JARID2: variants seen among roughly 807,000 people sequenced by gnomAD.
The protein encoded by JARID2 is protein Jumonji.
Under a neutral mutation model 125.6 loss-of-function variants are expected in JARID2, and 21 were observed. That is an observed-to-expected ratio of 0.17 (90% CI 0.12 to 0.24). JARID2 has a LOEUF of 0.24. Ranked by LOEUF, JARID2 falls within the 10% of genes least tolerant of loss-of-function variation. JARID2 has a pLI of 1.00. For synonymous variants in JARID2, 736 were observed against 661.6 expected (o/e 1.11, Z -1.73); for missense variants, 1,303 against 1,639.6 (o/e 0.79, Z 3.55).
intron 2 of JARID2, among the ~76,000 whole-genome samples, chr6:15,396,709 T>C (rs1305262887): frequency 6.6e-6 from 1 of 152,252 alleles, no homozygotes; most frequent in Non-Finnish European, 1.5e-5. Flanking sequence ...ATGAATTGTT[T>C]ATTTTGGGGA....
intron 1 of JARID2, among the ~76,000 whole-genome samples, chr6:15,372,837 T>C (rs1334317545): frequency 2.6e-5 from 4 of 152,126 alleles, no homozygotes; most frequent in African/African-American, 9.7e-5. Context: ...GCCTCCTGAA[T>C]AGCTGGGATT....
intron 1 of JARID2, among the ~76,000 whole-genome samples, chr6:15,316,489 G>A (rs991696681): frequency 7.2e-5 from 11 of 152,164 alleles, no homozygotes; most frequent in African/African-American, 2.7e-4. Context: ...GCTGAGGACA[G>A]TAGTCCTTAT....
chr6:15,450,349 T>A (rs1322810670), intron 3 of JARID2, among the ~76,000 whole-genome samples: 1 of 152,172 alleles, frequency 6.6e-6, no homozygotes, highest in African/African-American at 2.4e-5. Context: ...TTTGTATTTT[T>A]AGTAGAGACG....
chr6:15,501,592 C>T (rs1031197751), intron 8 of JARID2, among the ~76,000 whole-genome samples, 183 bp downstream of exon 8: 5 of 152,142 alleles, frequency 3.3e-5, no homozygotes, highest in African/African-American at 1.2e-4. Flanking sequence ...ATACTACAGA[C>T]TGGGGAATTC....
At chr6:15,257,053 C>T (rs1318984387) in intron 1 of JARID2, among the ~76,000 whole-genome samples, 1 of 152,090 alleles carries the variant, frequency 6.6e-6, no homozygotes, top group Non-Finnish European at 1.5e-5. Flanking sequence ...AAGTGACCTG[C>T]TTGTGGTCGC....
intron 1 of JARID2, among the ~76,000 whole-genome samples, chr6:15,258,361 G>C (rs577005039): frequency 1.3e-5 from 2 of 152,310 alleles, no homozygotes; most frequent in African/African-American, 4.8e-5. Flanking sequence ...ATCTTGGGTA[G>C]ATCACTTCAC....
chr6:15,261,619 C>T (rs1759882700), intron 1 of JARID2, among the ~76,000 whole-genome samples: 1 of 151,088 alleles, frequency 6.6e-6, no homozygotes, highest in African/African-American at 2.4e-5. Flanking sequence ...CCCGCCCGGC[C>T]TGGTGTTTTC....
intron 5 of JARID2, among the ~76,000 whole-genome samples, chr6:15,483,186 A>G (rs771916058): frequency 2.6e-5 from 4 of 152,206 alleles, no homozygotes; most frequent in Admixed American, 6.5e-5. Flanking sequence ...ACAACATCCT[A>G]TGAAAAAGGG....
Position 15,520,548 on chromosome 6 carries a change from G to GTTT in JARID2, c.*299_*301dup, listed in dbSNP as rs1771785955. 1 of 317,916 alleles carries GTTT rather than the reference G, an allele frequency of 3.1e-6. No homozygotes were observed. The allele number at this position is 317,916 out of a possible 1,614,324, so 19.7% of individuals were successfully genotyped here. ...TGGCTGACAAAAGCCTTTTTTTTTG[G>GTTT]TTTTGATTTTTTTTTTTTTGTAACT... On this transcript the variant is annotated 3_prime_UTR_variant, in exon 18 of 18. Transcript: ENST00000341776.
At chr6:15,283,769 G>A (rs1366732423) in intron 1 of JARID2, among the ~76,000 whole-genome samples, 7 of 145,262 alleles carry the variant, frequency 4.8e-5, no homozygotes, top group African/African-American at 1.0e-4. Context: ...GCAGTAGCGC[G>A]ATCACGGCTC....
chr6:15,392,077 T>TGC (rs60479706), intron 2 of JARID2, among the ~76,000 whole-genome samples: 962 of 41,456 alleles, frequency 0.023, 10 homozygotes, highest in African/African-American at 0.082. Context: ...TGTGTGTGTG[T>TGC]GCGTGTCTGG....
rs183041436 is a variant in JARID2 at position 15,520,706 on chromosome 6, C to G, written c.*455C>G. ...ACACACGCGCACACACACACACACA[C>G]GAAACTTGAAATGGCTTTGCTTTGG... On this transcript the variant is annotated 3_prime_UTR_variant, in exon 18 of 18. Transcript: ENST00000341776. 1.5e-5 allele frequency: 7 copies of G among 453,586 alleles called. No homozygotes were observed. Among genetic ancestry groups the G allele is most frequent in the South Asian group, 4.7e-5 (3 of 64,398 alleles). The allele number at this position is 453,586 out of a possible 1,614,324, so 28.1% of individuals were successfully genotyped here.
At position 15,504,541 on chromosome 6, in the gene JARID2, G is replaced by T; in HGVS notation, c.2490G>T (p.Arg830Ser). ...VSLTTFYRTA[R>S]NIMSMCFSKE... is the part of the protein sequence containing the mutation. Reference sequence around the variant, plus strand: ...TAACAACTTTTTATCGAACAGCGAGGAATATCATGAGCATGTGTTTCAGCA... The same window carrying T: ...TAACAACTTTTTATCGAACAGCGAGTAATATCATGAGCATGTGTTTCAGCA... Residue 830 changes from arginine to serine, a missense_variant, in exon 9 of 18, where the codon AGG becomes AGT. By Grantham distance (110) the Arg-to-Ser change is moderately radical. Around this residue, in one of 11 missense-constraint regions of JARID2, gnomAD observed 29 missense variants for 47.7 expected, o/e 0.61. Transcript: ENST00000341776. 6.2e-7 allele frequency: 1 copy of T among 1,614,114 alleles called. No homozygotes were observed. Among genetic ancestry groups the T allele is most frequent in the South Asian group, 1.1e-5 (1 of 91,082 alleles).
At chr6:15,275,535 C>CG (rs1261905962) in intron 1 of JARID2, among the ~76,000 whole-genome samples, 1 of 53,330 alleles carries the variant, frequency 1.9e-5, no homozygotes, top group East Asian at 8.9e-4. Flanking sequence ...CCCCCCCCGC[C>CG]CCCCCCCCCG....
intron 1 of JARID2, among the ~76,000 whole-genome samples, chr6:15,258,578 T>A (rs1759754812): frequency 6.6e-6 from 1 of 152,132 alleles, no homozygotes; most frequent in African/African-American, 2.4e-5. Context: ...GGTCAGGAGT[T>A]TGAGGCCAGC....
At chr6:15,317,599 G>A (rs868330470) in intron 1 of JARID2, among the ~76,000 whole-genome samples, 2 of 151,806 alleles carry the variant, frequency 1.3e-5, no homozygotes, top group African/African-American at 4.8e-5. Flanking sequence ...AATGCTTGCC[G>A]TGTAACTGAT....
At chr6:15,450,629 A>G (rs572410591) in intron 3 of JARID2, among the ~76,000 whole-genome samples, 1 of 152,140 alleles carries the variant, frequency 6.6e-6, no homozygotes, top group Non-Finnish European at 1.5e-5. Flanking sequence ...ATGTTTTTCA[A>G]ATACCTCTCT....
intron 1 of JARID2, among the ~76,000 whole-genome samples, chr6:15,286,578 T>C (rs1761008872): frequency 6.6e-6 from 1 of 150,768 alleles, no homozygotes; most frequent in Admixed American, 6.6e-5. Flanking sequence ...GAAATTTTGC[T>C]GGCAGAGCGT....
chr6:15,433,742 C>T (rs1231601367), intron 3 of JARID2, among the ~76,000 whole-genome samples: 5 of 152,114 alleles, frequency 3.3e-5, no homozygotes, highest in African/African-American at 1.2e-4. Flanking sequence ...TGTTTTTCTC[C>T]ATTCTTTTGG....
Sources: allele counts gnomAD v4.1 joint callset (sites outside exome capture counted in the v4.1 genomes callset), GRCh38; gene constraint gnomAD v4.1.1; regional missense constraint gnomAD v4.1.1; transcripts MANE v1.5; gene names NCBI Gene and HGNC (gene_info 2026-07-23, HGNC 2026-07-21).